PARD3: variants seen among roughly 807,000 people sequenced by gnomAD.
The protein encoded by PARD3 is par-3 family cell polarity regulator, also known as partitioning defective 3 homolog.
In PARD3, 75 loss-of-function variants were observed where a neutral mutation model predicts 155.4. The ratio of observed to expected loss-of-function variants is 0.48; its 90% confidence interval spans 0.40 to 0.58. PARD3 has a LOEUF of 0.58. Ranked by LOEUF, PARD3 falls within the 20% of genes least tolerant of loss-of-function variation. The probability of loss-of-function intolerance (pLI) is 0.00; values close to 1 mark genes in which losing one functional copy is unlikely to be tolerated. For synonymous variants in PARD3, 576 were observed against 610.5 expected (o/e 0.94, Z 0.83); for missense variants, 1,642 against 1,721.7 (o/e 0.95, Z 0.82).
At chr10:34,809,344 C>T (rs923624696) in intron 1 of PARD3, among the ~76,000 whole-genome samples, 9 of 152,054 alleles carry the variant, frequency 5.9e-5, no homozygotes, top group African/African-American at 2.2e-4. Context: ...AGCATTTCAC[C>T]CGGAGGGAGG....
intron 22 of PARD3, among the ~76,000 whole-genome samples, chr10:34,196,999 G>T (rs1950975587): frequency 6.6e-6 from 1 of 152,102 alleles, no homozygotes; most frequent in Non-Finnish European, 1.5e-5. Context: ...CGAAATGGCT[G>T]GTGGTATCTG....
At chr10:34,219,756 T>C (rs966716328) in intron 22 of PARD3, among the ~76,000 whole-genome samples, 3 of 152,212 alleles carry the variant, frequency 2.0e-5, no homozygotes, top group African/African-American at 7.2e-5. Context: ...TAGTCTCTTC[T>C]TGCCTCTCCA....
chr10:34,316,983 G>C, intron 20 of PARD3, 124 bp downstream of exon 20: 4 of 813,012 alleles, frequency 4.9e-6, no homozygotes, highest in Non-Finnish European at 7.2e-6. Flanking sequence ...ATTCCTCCCA[G>C]TTCAGCCTCC....
At chr10:34,783,140 A>G (rs1461597553) in intron 1 of PARD3, among the ~76,000 whole-genome samples, 1 of 152,214 alleles carries the variant, frequency 6.6e-6, no homozygotes, top group East Asian at 1.9e-4. Flanking sequence ...CAATAGGTAA[A>G]AAGCATTAAT....
intron 22 of PARD3, among the ~76,000 whole-genome samples, chr10:34,162,533 T>C (rs1356908465): frequency 6.6e-6 from 1 of 152,214 alleles, no homozygotes; most frequent in Non-Finnish European, 1.5e-5. Context: ...TGTTATTATA[T>C]GCATTTTGGC....
At chr10:34,254,378 CAAAAACAAAAACA>C (rs962419679) in intron 22 of PARD3, among the ~76,000 whole-genome samples, 3 of 58,184 alleles carry the variant, frequency 5.2e-5, no homozygotes, top group African/African-American at 4.0e-4. Flanking sequence ...GACTCTGTCT[CAAAAACAAAAACA>C]AAAACAAAAA....
intron 1 of PARD3, among the ~76,000 whole-genome samples, chr10:34,723,953 G>GA (rs1336415750): frequency 1.3e-5 from 2 of 152,100 alleles, no homozygotes; most frequent in Non-Finnish European, 1.5e-5. Context: ...TTCACTGGTG[G>GA]ATCTGTTACT....
intron 2 of PARD3, among the ~76,000 whole-genome samples, chr10:34,635,336 G>A (rs372217558): frequency 7.2e-5 from 11 of 152,248 alleles, no homozygotes; most frequent in African/African-American, 2.2e-4. Context: ...ACCTGTCTGA[G>A]CGAGAGATGC....
chr10:34,193,402 A>G (rs1196471261), intron 22 of PARD3, among the ~76,000 whole-genome samples: 1 of 152,158 alleles, frequency 6.6e-6, no homozygotes, highest in Non-Finnish European at 1.5e-5. Context: ...TACTTTTACT[A>G]TTTGTATACA....
At chr10:34,119,767 G>A (rs1946884627) in intron 23 of PARD3, 27 bp from the exon 24 acceptor site, 6 of 1,603,616 alleles carry the variant, frequency 3.7e-6, no homozygotes, top group South Asian at 1.1e-5. Flanking sequence ...CAAGCACATC[G>A]TTAACCAGAA....
chr10:34,712,963 C>CT (rs1424049600), intron 1 of PARD3, among the ~76,000 whole-genome samples: 1 of 152,142 alleles, frequency 6.6e-6, no homozygotes, highest in Non-Finnish European at 1.5e-5. Context: ...AATCACAGCA[C>CT]TTTGGGAGGC....
intron 16 of PARD3, among the ~76,000 whole-genome samples, chr10:34,340,891 G>A (rs974503373): frequency 2.6e-5 from 4 of 151,924 alleles, no homozygotes; most frequent in African/African-American, 9.7e-5. Flanking sequence ...CCAGAGAAAG[G>A]GCAATGAGAA....
intron 7 of PARD3, among the ~76,000 whole-genome samples, chr10:34,396,443 G>A (rs2796010): frequency 0.99 from 150,601 of 152,352 alleles, 74,443 homozygotes; most frequent in East Asian, 1. Flanking sequence ...ACTCTCTAAC[G>A]TTAACTTCAC....
chr10:34,789,711 C>G (rs933372777), intron 1 of PARD3, among the ~76,000 whole-genome samples: 3 of 150,776 alleles, frequency 2.0e-5, no homozygotes, highest in Non-Finnish European at 2.9e-5. Flanking sequence ...TACCACCCGC[C>G]CCCCCAAAAA....
chr10:34,606,764 TCGAGA>T (rs1345402475), intron 2 of PARD3, among the ~76,000 whole-genome samples: 1 of 150,172 alleles, frequency 6.7e-6, no homozygotes, highest in Non-Finnish European at 1.5e-5. Context: ...GGTCAAGAGA[TCGAGA>T]CCATCCTGCC....
chr10:34,313,885 A>G (rs1467598813), intron 20 of PARD3, among the ~76,000 whole-genome samples: 1 of 152,158 alleles, frequency 6.6e-6, no homozygotes, highest in South Asian at 2.1e-4. Flanking sequence ...GTGCTGCTAT[A>G]TTTACCTACA....
At chr10:34,145,217 ATATATTTTTTTT>A (rs1564430031) in intron 22 of PARD3, among the ~76,000 whole-genome samples, 3 of 57,964 alleles carry the variant, frequency 5.2e-5, no homozygotes, top group Non-Finnish European at 9.4e-5. Flanking sequence ...ATATATATAT[ATATATTTTTTTT>A]TTTTTTTTTT....
intron 2 of PARD3, among the ~76,000 whole-genome samples, chr10:34,560,221 T>C (rs966538451): frequency 6.6e-6 from 1 of 152,220 alleles, no homozygotes; most frequent in Non-Finnish European, 1.5e-5. Context: ...GGAATTTTCC[T>C]TGACCTTCAG....
At chr10:34,617,561 CT>C (rs2091341936) in intron 2 of PARD3, among the ~76,000 whole-genome samples, 1 of 152,190 alleles carries the variant, frequency 6.6e-6, no homozygotes, top group South Asian at 2.1e-4. Flanking sequence ...TTACACATCA[CT>C]TAAATATCAC....
Sources: gnomAD v4.1 joint callset for allele counts (sites outside exome capture counted in the v4.1 genomes callset) on GRCh38, gnomAD v4.1.1 for gene constraint, MANE v1.5 for transcripts, NCBI Gene and HGNC (gene_info 2026-07-23, HGNC 2026-07-21) for gene names.